The following PARP4 variants were observed in gnomAD, a reference collection of about 807,000 sequenced individuals.
The protein encoded by PARP4 is protein mono-ADP-ribosyltransferase PARP4.
PARP4 carries 120 observed loss-of-function variants against 187.7 expected under a neutral mutation model. The observed-to-expected ratio is 0.64, with a 90% confidence interval of 0.55 to 0.74. The LOEUF (loss-of-function observed/expected upper bound fraction) is 0.74, where lower values mean the gene tolerates loss of function less well. Ranked by LOEUF, PARP4 falls within the 30% of genes least tolerant of loss-of-function variation. PARP4 has a pLI of 0.00. For missense variants in PARP4, 1,836 were observed against 2,070.5 expected, an observed-to-expected ratio of 0.89 and a Z score of 2.20; for synonymous variants, 654 against 740.9, an observed-to-expected ratio of 0.88 and a Z score of 1.90.
intron 14 of PARP4, 138 bp downstream of exon 14, chr13:24,477,563 T>C (rs754429873): frequency 1.1e-4 from 65 of 569,316 alleles, no homozygotes; most frequent in Non-Finnish European, 1.5e-4. Flanking sequence ...GGAAACAATT[T>C]TGAGATTGAA....
intron 21 of PARP4, 61 bp downstream of exon 21, chr13:24,456,280 C>T (rs983062479): frequency 5.9e-6 from 8 of 1,358,876 alleles, no homozygotes; most frequent in South Asian, 4.7e-5. Context: ...CAAGTTTAAC[C>T]AGCTTATTCT....
chr13:24,491,029 C>A (rs1162240589), intron 9 of PARP4, among the ~76,000 whole-genome samples: 1 of 152,104 alleles, frequency 6.6e-6, no homozygotes, highest in African/African-American at 2.4e-5. Context: ...GCAGCCTCAA[C>A]CTCCTGAGTT....
intron 17 of PARP4, among the ~76,000 whole-genome samples, chr13:24,464,934 A>C (rs557026167): frequency 6.6e-6 from 1 of 152,202 alleles, no homozygotes; most frequent in East Asian, 1.9e-4. Flanking sequence ...CAAGGAACTT[A>C]AACAAATTTA....
intron 33 of PARP4, among the ~76,000 whole-genome samples, chr13:24,422,484 T>G (rs1869793776): frequency 6.6e-6 from 1 of 152,224 alleles, no homozygotes; most frequent in African/African-American, 2.4e-5. Flanking sequence ...TTGGTTCACA[T>G]TCCGCTAGCA....
intron 12 of PARP4, among the ~76,000 whole-genome samples, chr13:24,478,653 C>T (rs1457439289): frequency 6.6e-6 from 1 of 152,030 alleles, no homozygotes; most frequent in African/African-American, 2.4e-5. Flanking sequence ...AGGCTGGTCT[C>T]GAACTCCTGG....
At position 24,442,649 on chromosome 13, in the gene PARP4, G is replaced by A. The variant is rs756173552; in HGVS notation, c.3484C>T (p.Leu1162Phe). 5 of 1,597,900 alleles carry A rather than the reference G, an allele frequency of 3.1e-6. No individual in the cohort carries two copies. Among genetic ancestry groups the A allele is most frequent in the East Asian group, 4.5e-5 (2 of 44,788 alleles). The change falls in exon 29 of 34, where the codon CTC becomes TTC. Residue 1162 changes from leucine to phenylalanine, a missense_variant. By Grantham distance (22) the Leu-to-Phe change is conservative. Coordinates refer to ENST00000381989, the MANE Select transcript of PARP4 (RefSeq NM_006437.4). ...KQTLKSLIIK[L>F]SKENSLITQF... ...GTTATGAGAGAGTTTTCTTTACTGA[G>A]TTTAATAATCAGAGATTTCAAGGTT...
chr13:24,494,940 C>CAACT (rs1334136032), intron 6 of PARP4, among the ~76,000 whole-genome samples: 1 of 151,646 alleles, frequency 6.6e-6, no homozygotes, highest in East Asian at 1.9e-4. Flanking sequence ...AGCACAATCT[C>CAACT]AACTCACTGC....
At chr13:24,426,672 A>G in intron 32 of PARP4, 74 bp from the exon 33 acceptor site, 1 of 1,278,188 alleles carries the variant, frequency 7.8e-7, no homozygotes, top group South Asian at 1.3e-5. Flanking sequence ...TAAAATTCTC[A>G]TTAAAGAATT....
rs1348001073 is a variant in PARP4, at chr13:24,455,292, T to C, written c.2563-80A>G. 2.1e-5 allele frequency: 21 copies of C among 1,002,752 alleles called. 2 individuals are homozygous for C. The South Asian group carries it at 2.8e-4, about 14-fold the overall frequency. The allele number at this position is 1,002,752 out of a possible 1,614,324, so 62.1% of individuals were successfully genotyped here. A position where few individuals can be genotyped will look rare whatever the true frequency, so the allele number is the denominator to read the frequency against. On this transcript the variant is annotated intron_variant, in intron 21 of 33. Coordinates refer to ENST00000381989, the MANE Select transcript of PARP4 (RefSeq NM_006437.4). ...AGGTCTACTTAGAAAACTCCAAAAC[T>C]TTCTAGTGAGGTAAACTAATGCTAT...
intron 31 of PARP4, 70 bp from the exon 32 acceptor site, chr13:24,431,546 G>C (rs995668889): frequency 5.3e-6 from 5 of 936,378 alleles, no homozygotes; most frequent in Non-Finnish European, 8.5e-6. Flanking sequence ...TACGTAGTGG[G>C]GGAAGGAGTG....
intron 1 of PARP4, among the ~76,000 whole-genome samples, chr13:24,505,013 T>TC (rs1555241428): frequency 2.0e-5 from 3 of 150,590 alleles, no homozygotes; most frequent in Non-Finnish European, 4.4e-5. Context: ...CTTTTTTTTT[T>TC]TTTTTTTTGA....
chr13:24,506,255 C>T (rs1020585655), intron 1 of PARP4, among the ~76,000 whole-genome samples: 1 of 152,196 alleles, frequency 6.6e-6, no homozygotes, highest in African/African-American at 2.4e-5. Flanking sequence ...TTGTTTACTC[C>T]TACCGGTGGG....
rs201446812 is a variant in PARP4 at position 24,469,050 on chromosome 13, C to T, written c.2107G>A (p.Ala703Thr). 1.4e-4 allele frequency: 232 copies of T among 1,613,678 alleles called. 1 individual carries two copies. In the East Asian group the frequency reaches 4.0e-3, roughly 28 times the overall value. Residue 703 changes from alanine (A) to threonine (T), a missense_variant, in exon 17 of 34, where the codon GCT becomes ACT. Physicochemically the swap from Ala to Thr is moderately conservative, Grantham distance 58. Transcript: ENST00000381989. ...YLEAVTQGHG[A>T]YLMSQDAPDV... ...GGAGCATCCTGACTCATCAGGTAAG[C>T]GCCATGGCCCTGGGTCACGGCTTCT...
intron 33 of PARP4, among the ~76,000 whole-genome samples, chr13:24,424,740 T>C (rs112309933): frequency 0.42 from 61,524 of 146,838 alleles, 13,623 homozygotes; most frequent in African/African-American, 0.56. Context: ...GGCACGATCT[T>C]GACTCACTGC....
At chr13:24,452,846 T>C (rs1350876823) in intron 23 of PARP4, among the ~76,000 whole-genome samples, 1 of 152,212 alleles carries the variant, frequency 6.6e-6, no homozygotes, top group South Asian at 2.1e-4. Flanking sequence ...CAGGAAGAAA[T>C]GTCCCATCCA....
chr13:24,455,506 T>TATATATATATATATATATATATAA (rs1555234626), intron 21 of PARP4, among the ~76,000 whole-genome samples: 2 of 135,450 alleles, frequency 1.5e-5, no homozygotes, highest in South Asian at 2.3e-4. Context: ...TATATATATA[T>TATATATATATATATATATATATAA]CACACTATTC....
At chr13:24,480,600 C>T (rs912345832) in intron 12 of PARP4, among the ~76,000 whole-genome samples, 17 of 152,292 alleles carry the variant, frequency 1.1e-4, no homozygotes, top group African/African-American at 4.1e-4. Context: ...AGCAAAACAG[C>T]CTTATTGCTG....
intron 25 of PARP4, among the ~76,000 whole-genome samples, chr13:24,449,350 T>G (rs2039947): frequency 0.84 from 121,456 of 144,576 alleles, 52,995 homozygotes; most frequent in East Asian, 0.98. Flanking sequence ...ATGGCGCCAC[T>G]GCACTCCAGC....
rs1462338125 is a variant in PARP4 at position 24,478,180 on chromosome 13, C to T, written c.1545G>A (p.Glu515=). 2 of 1,613,806 alleles carry T rather than the reference C, an allele frequency of 1.2e-6. No individual in the cohort carries two copies. The highest frequency in any genetic ancestry group is 4.5e-5 in the East Asian group (2 of 44,894). Residue 515 remains glutamate, a synonymous_variant, in exon 13 of 34, where the codon GAG becomes GAA. Transcript: ENST00000381989. ...GTGCTTCAGTTAAGGAAAAGTCCTT[C>T]TCATGTAAGTCCATACACTTTCCGA... ...VALGKCMDLH[E]KDFSLTEAPP...
Sources: gnomAD v4.1 joint callset for allele counts (sites outside exome capture counted in the v4.1 genomes callset) on GRCh38, gnomAD v4.1.1 for gene constraint, MANE v1.5 for transcripts, NCBI Gene and HGNC (gene_info 2026-07-23, HGNC 2026-07-21) for gene names.